Variants in LAMA3 observed in about 807,000 individuals in gnomAD.
The protein encoded by LAMA3 is laminin subunit alpha-3.
A neutral mutation model predicts 402.0 loss-of-function variants in LAMA3; 281 were observed. The observed-to-expected ratio is 0.70, with a 90% confidence interval of 0.63 to 0.77. LAMA3 has a LOEUF of 0.77. Ranked by LOEUF, LAMA3 falls within the 30% of genes least tolerant of loss-of-function variation. LAMA3 has a pLI of 0.00. For missense variants in LAMA3, 3,840 were observed against 4,215.5 expected, an observed-to-expected ratio of 0.91 and a Z score of 2.47; for synonymous variants, 1,431 against 1,558.4, an observed-to-expected ratio of 0.92 and a Z score of 1.93.
intron 74 of LAMA3, among the ~76,000 whole-genome samples, chr18:23,954,148 T>A (rs1221332069): frequency 1.3e-5 from 2 of 152,144 alleles, no homozygotes; most frequent in African/African-American, 4.8e-5. Context: ...ACACCTGTAA[T>A]CCCAGAGCTT....
chr18:23,750,432 GTTTTTTTTTTTTTTTTTTTTTTT>G (rs66582854), intron 4 of LAMA3, among the ~76,000 whole-genome samples: 89 of 33,034 alleles, frequency 2.7e-3, no homozygotes, highest in Non-Finnish European at 3.3e-3. Flanking sequence ...GGTTTACACA[GTTTTTTTTTTTTTTTTTTTTTTT>G]TTTTTTTTTT....
chr18:23,799,627 G>A (rs879688919), intron 12 of LAMA3, among the ~76,000 whole-genome samples: 2 of 152,312 alleles, frequency 1.3e-5, no homozygotes, highest in African/African-American at 4.8e-5. Flanking sequence ...TGCCCGCATG[G>A]ATGTTTTCCT....
At chr18:23,723,591 A>G (rs1055608594) in intron 2 of LAMA3, among the ~76,000 whole-genome samples, 18 of 151,678 alleles carry the variant, frequency 1.2e-4, no homozygotes, top group African/African-American at 4.4e-4. Flanking sequence ...TGGGGAGATC[A>G]GTGATTTTTA....
intron 2 of LAMA3, among the ~76,000 whole-genome samples, chr18:23,718,375 G>A (rs866706432): frequency 1.3e-5 from 2 of 152,016 alleles, no homozygotes; most frequent in Non-Finnish European, 2.9e-5. Flanking sequence ...TTCAGCCCCC[G>A]CAGAGCAAGC....
intron 38 of LAMA3, among the ~76,000 whole-genome samples, chr18:23,875,290 G>C (rs1012494254): frequency 2.6e-5 from 4 of 151,958 alleles, no homozygotes; most frequent in Non-Finnish European, 5.9e-5. Context: ...TTTTTTTTCT[G>C]TTGGAGGGAT....
chr18:23,909,716 C>T (rs2081368983), intron 55 of LAMA3, among the ~76,000 whole-genome samples: 1 of 152,234 alleles, frequency 6.6e-6, no homozygotes, highest in Admixed American at 6.5e-5. Context: ...AAGATGACAG[C>T]AGTTTTCCAT....
chr18:23,865,848 A>G (rs1322630138), intron 36 of LAMA3, among the ~76,000 whole-genome samples: 1 of 152,240 alleles, frequency 6.6e-6, no homozygotes, highest in Non-Finnish European at 1.5e-5. Flanking sequence ...ATGGGGCTGT[A>G]TCATCAGTGT....
At chr18:23,818,907 A>G (rs1035858714) in intron 18 of LAMA3, among the ~76,000 whole-genome samples, 1 of 151,948 alleles carries the variant, frequency 6.6e-6, no homozygotes, top group African/African-American at 2.4e-5. Flanking sequence ...TGTTGTTTCC[A>G]GGTCTTCACT....
chr18:23,898,746 G>A lies in LAMA3; in HGVS notation c.5622G>A (p.Leu1874=). The part of the protein sequence containing the change: ...ETQAKDLRNQ[L]LNYRSAISNH... ...TTGTGTTTTGTTTCCAGAATCAGTT[G>A]CTCAACTACCGTTCTGCCATTTCAA... The change falls in exon 45 of 75, where the codon TTG becomes TTA. Residue 1874 remains leucine (L), a synonymous_variant. Transcript: ENST00000313654. 1 of 1,581,050 alleles carries A rather than the reference G, an allele frequency of 6.3e-7. No individual in the cohort carries two copies. Among genetic ancestry groups the A allele is most frequent in the African/African-American group, 1.3e-5 (1 of 74,392 alleles).
At chr18:23,720,916 G>T (rs908188094) in intron 2 of LAMA3, among the ~76,000 whole-genome samples, 2 of 152,086 alleles carry the variant, frequency 1.3e-5, no homozygotes, top group African/African-American at 2.4e-5. Flanking sequence ...CAGCACTTTG[G>T]GAGGCCAAGG....
chr18:23,913,272 C>T (rs1025117366), intron 56 of LAMA3, among the ~76,000 whole-genome samples: 1 of 152,176 alleles, frequency 6.6e-6, no homozygotes, highest in African/African-American at 2.4e-5. Context: ...GAATTGTGAC[C>T]TTGTCCTCTT....
Position 23,914,681 on chromosome 18 carries a change from A to G in LAMA3, c.7482-17A>G, listed in dbSNP as rs757071249. On this transcript the variant is annotated splice_polypyrimidine_tract_variant and intron_variant, in intron 57 of 74. Transcript: ENST00000313654. ...AATTTTTTGTTTAACTTTATTATCT[A>G]AATTCATTTTAAACAGAATTTATCA... 1.9e-6 allele frequency: 3 copies of G among 1,605,408 alleles called. No individual in the cohort carries two copies. The highest frequency in any genetic ancestry group is 2.6e-6 in the Non-Finnish European group (3 of 1,174,534).
intron 1 of LAMA3, among the ~76,000 whole-genome samples, chr18:23,713,482 T>C (rs767926244): frequency 2.6e-5 from 4 of 152,244 alleles, no homozygotes; most frequent in Non-Finnish European, 5.9e-5. Context: ...GGATCCTTGA[T>C]GCACCACTGG....
At chr18:23,744,658 C>T (rs1243058170) in intron 2 of LAMA3, among the ~76,000 whole-genome samples, 32 of 151,748 alleles carry the variant, frequency 2.1e-4, no homozygotes, top group East Asian at 7.8e-4. Context: ...GGTGAAACCC[C>T]GTCTCTACTA....
At position 23,943,848 on chromosome 18, in the gene LAMA3, C is replaced by T; in HGVS notation, c.9087C>T (p.Gly3029=). The change falls in exon 69 of 75, where the codon GGC becomes GGT. Residue 3029 remains glycine (G), a synonymous_variant. Transcript: ENST00000313654. The stretch of plus-strand genomic sequence containing the variant: ...CCAGAGGACTGGTGTTTCACACGGG[C>T]ACTAAGAACTCCTTTATGGCTCTTT... ...TSSRGLVFHT[G]TKNSFMALYL... is the part of the protein sequence containing the mutation. 1 of 1,613,880 alleles carries T rather than the reference C, an allele frequency of 6.2e-7. No individual in the cohort carries two copies. Among genetic ancestry groups the T allele is most frequent in the African/African-American group, 1.3e-5 (1 of 75,028 alleles).
At chr18:23,820,068 C>A in intron 19 of LAMA3, 71 bp downstream of exon 19, 2 of 1,456,800 alleles carry the variant, frequency 1.4e-6, no homozygotes, top group East Asian at 2.3e-5. Flanking sequence ...TCTCAGGGAG[C>A]CCCCTGAAAG....
At position 23,842,474 on chromosome 18, in the gene LAMA3, C is replaced by G; in HGVS notation, c.3416C>G (p.Pro1139Arg). ...FVIHFYQAAH[P>R]TFPAQVSVDG... ...ATCCATTTTTACCAAGCAGCGCACCCGACGTTTCCCGCGCAGGTGTCGGTG... is the reference window on the plus strand; with the variant it reads ...ATCCATTTTTACCAAGCAGCGCACCGGACGTTTCCCGCGCAGGTGTCGGTG... Residue 1139 changes from proline (P) to arginine (R), a missense_variant, in exon 28 of 75, where the codon CCG (proline) becomes CGG (arginine). Around this residue, in one of 3 missense-constraint regions of LAMA3, gnomAD observed 2,109 missense variants for 2,376.0 expected, o/e 0.89. Transcript: ENST00000313654. 1 of 1,614,180 alleles carries G rather than the reference C, an allele frequency of 6.2e-7. No homozygotes were observed.
rs765903746 is a variant in LAMA3 at position 23,749,475 on chromosome 18, G to C, written c.613G>C (p.Ala205Pro). Residue 205 changes from alanine to proline, a missense_variant, in exon 4 of 75, where the codon GCT becomes CCT. Transcript: ENST00000313654. ...AGAATTTGGGCGGGAGGCAAATATG[G>C]CTGTCACCCGGGATGATGATGTACT... The part of the protein sequence containing the change: ...LKEFGREANM[A>P]VTRDDDVLCV... The C allele has an allele frequency of 9.9e-6, 16 of 1,612,858 alleles. No individual in the cohort carries two copies. Among genetic ancestry groups the C allele is most frequent in the Middle Eastern group, 1.6e-4 (1 of 6,080 alleles).
In LAMA3 at chr18:23,833,878, T is replaced by G. The variant is rs61751702; in HGVS notation, c.2874T>G (p.Val958=). The change falls in exon 24 of 75, where the codon GTT becomes GTG. Residue 958 remains valine, a synonymous_variant. Coordinates refer to ENST00000313654, the MANE Select transcript of LAMA3 (RefSeq NM_198129.4). ...LRIPQVGHYV[V]VVEYSTEAAQ... ...TCCCACAGGTTGGCCACTACGTGGT[T>G]GTGGTCGAGTATTCCACGGAGGCAG... The G allele has an allele frequency of 4.4e-4, 710 of 1,613,970 alleles. 1 individual carries two copies. The highest frequency in any genetic ancestry group is 5.6e-4 in the Non-Finnish European group (657 of 1,180,042).
Sources: gnomAD v4.1 joint callset for allele counts (sites outside exome capture counted in the v4.1 genomes callset) on GRCh38, gnomAD v4.1.1 for gene constraint, gnomAD v4.1.1 regional missense constraint, MANE v1.5 for transcripts, NCBI Gene and HGNC (gene_info 2026-07-23, HGNC 2026-07-21) for gene names.